The following GRIP2 variants were observed in gnomAD, a reference collection of about 807,000 sequenced individuals.
GRIP2 encodes glutamate receptor-interacting protein 2.
A neutral mutation model predicts 108.3 loss-of-function variants in GRIP2; 58 were observed. The observed-to-expected ratio is 0.54, with a 90% confidence interval of 0.43 to 0.67. The LOEUF is 0.67. GRIP2 is among the 30% of genes least tolerant of loss of function. GRIP2 has a pLI of 0.00. For synonymous variants in GRIP2, 586 were observed against 598.2 expected (o/e 0.98, Z 0.30); for missense variants, 1,278 against 1,430.6 (o/e 0.89, Z 1.72).
chr3:14,569,985 G>A, the GRIP2 span, among the ~76,000 whole-genome samples: 1 of 152,168 alleles, frequency 6.6e-6, no homozygotes, highest in African/African-American at 2.4e-5. Flanking sequence ...AGGAAACTGA[G>A]GCTCGGAGAG....
At chr3:14,533,764 A>T (rs1694765879) in intron 1 of GRIP2, among the ~76,000 whole-genome samples, 1 of 152,174 alleles carries the variant, frequency 6.6e-6, no homozygotes, top group South Asian at 2.1e-4. Flanking sequence ...CAGCTTAGGG[A>T]CAGCGGAGGT....
At chr3:14,545,584 C>T (rs1356570483), upstream of GRIP2, among the ~76,000 whole-genome samples, 1 of 152,250 alleles carries the variant, frequency 6.6e-6, no homozygotes, top group East Asian at 1.9e-4. Flanking sequence ...CCTTGACACC[C>T]ACAATAGCTT....
At chr3:14,566,320 A>G in the GRIP2 span, among the ~76,000 whole-genome samples, 26,267 of 152,226 alleles carry the variant, frequency 0.17, 2,446 homozygotes, top group Middle Eastern at 0.29. Flanking sequence ...CAGGGATGGG[A>G]ACACAGAGTC....
intron 20 of GRIP2, chr3:14,504,011 A>G: frequency 3.2e-6 from 1 of 314,952 alleles, no homozygotes; most frequent in Admixed American, 4.8e-5. Flanking sequence ...TCCATGGTGT[A>G]GTCCCAGAGG....
Position 14,525,492 on chromosome 3 carries a change from C to T in GRIP2, c.202G>A (p.Asp68Asn), listed in dbSNP as rs768263610. 6 of 1,613,648 alleles carry T rather than the reference C, an allele frequency of 3.7e-6. No individual in the cohort carries two copies. Among genetic ancestry groups the T allele is most frequent in the East Asian group, 4.5e-5 (2 of 44,858 alleles). Reference sequence around the variant, plus strand: ...GAGACCCTGGGCTTTCCATCCTTGTCGGTGCCACCTGAGATAGTCAGGCCC... The same window carrying T: ...GAGACCCTGGGCTTTCCATCCTTGTTGGTGCCACCTGAGATAGTCAGGCCC... ...TLGLTISGGT[D>N]KDGKPRVSNL... Residue 68 changes from aspartate (D) to asparagine (N), a missense_variant, in exon 3 of 24, where the codon GAC (aspartate) becomes AAC (asparagine). By Grantham distance (23) the Asp-to-Asn change is conservative. Transcript: ENST00000621039.
Position 14,523,009 on chromosome 3 carries a change from G to A in GRIP2, c.557C>T (p.Pro186Leu), listed in dbSNP as rs1694455987. ...LVLTYVRPGG[P>L]ADREGSLKVG... ...TTCTGCCTCGGCTCACCTGTCGGCA[G>A]GGCCACCGGGCCGCACGTAGGTCAG... Residue 186 changes from proline (P) to leucine (L), a missense_variant, in exon 6 of 24, where the codon CCT becomes CTT. Coordinates refer to ENST00000621039, the MANE Select transcript of GRIP2 (RefSeq NM_001080423.4). 4 of 1,613,624 alleles carry A rather than the reference G, an allele frequency of 2.5e-6. No homozygotes were observed. In the South Asian group the frequency reaches 4.4e-5, roughly 18 times the overall value.
At chr3:14,569,666 C>T in the GRIP2 span, among the ~76,000 whole-genome samples, 3 of 152,184 alleles carry the variant, frequency 2.0e-5, no homozygotes, top group African/African-American at 7.2e-5. Context: ...CACACACATG[C>T]CAGCGCCGCT....
intron 9 of GRIP2, among the ~76,000 whole-genome samples, chr3:14,519,089 C>G (rs983248464): frequency 1.3e-5 from 2 of 152,166 alleles, no homozygotes; most frequent in African/African-American, 4.8e-5. Flanking sequence ...GCCGCGGCAC[C>G]GAACCTGGCA....
chr3:14,600,857 A>T, the GRIP2 span, among the ~76,000 whole-genome samples: 22 of 152,298 alleles, frequency 1.4e-4, no homozygotes, highest in African/African-American at 4.8e-4. Context: ...TTTTCCAAGG[A>T]AAATTCAAAT....
intron 11 of GRIP2, 119 bp from the exon 12 acceptor site, chr3:14,514,597 G>T: frequency 9.8e-7 from 1 of 1,019,310 alleles, no homozygotes; most frequent in South Asian, 1.7e-5. Context: ...TGGGAGCCCT[G>T]ACTCAGTCTG....
chr3:14,532,791 T>G (rs1003527242), intron 1 of GRIP2, among the ~76,000 whole-genome samples: 2 of 151,156 alleles, frequency 1.3e-5, no homozygotes, highest in East Asian at 3.9e-4. Flanking sequence ...GGCCGGATCC[T>G]GTAGAGTTGA....
In GRIP2 at chr3:14,507,782, A is replaced by G. The variant is rs1693972597; in HGVS notation, c.2079-82T>C. On this transcript the variant is annotated intron_variant, in intron 17 of 23. Coordinates refer to ENST00000621039, the MANE Select transcript of GRIP2 (RefSeq NM_001080423.4). The surrounding 1 kb of genome is among the most constrained non-coding windows in gnomAD (Gnocchi z 4.6). ...GCAGTCTGCCCTCAGGGAATCCAGG[A>G]GAGCCACAAAGCAGAAGTCTGGCTG... The G allele has an allele frequency of 6.6e-7, 1 of 1,515,114 alleles. No homozygotes were observed. Among genetic ancestry groups the G allele is most frequent in the Non-Finnish European group, 9.1e-7 (1 of 1,103,424 alleles). The allele number at this position is 1,515,114 out of a possible 1,614,324, so 93.9% of individuals were successfully genotyped here.
chr3:14,590,762 C>A, the GRIP2 span, among the ~76,000 whole-genome samples: 33 of 152,336 alleles, frequency 2.2e-4, no homozygotes, highest in Non-Finnish European at 4.0e-4. Context: ...AGGCCTCTAC[C>A]AGCTGAGCAG....
Position 14,513,647 on chromosome 3 carries a change from C to T in GRIP2, c.1639+18G>A. On this transcript the variant is annotated intron_variant, in intron 13 of 23. Transcript: ENST00000621039. ...AGGGCCCTGAAATATGAGGAGGAAGCTTGGGCCACTCACTCACCCGCCACA... is the reference window on the plus strand; with the variant it reads ...AGGGCCCTGAAATATGAGGAGGAAGTTTGGGCCACTCACTCACCCGCCACA... 6.3e-7 allele frequency: 1 copy of T among 1,592,772 alleles called. No individual in the cohort carries two copies. The highest frequency in any genetic ancestry group is 8.5e-7 in the Non-Finnish European group (1 of 1,170,208).
chr3:14,589,243 T>G, the GRIP2 span, among the ~76,000 whole-genome samples: 4 of 152,212 alleles, frequency 2.6e-5, no homozygotes, highest in Admixed American at 6.5e-5. Context: ...CTCTTCGTTG[T>G]GTACAATATA....
chr3:14,529,278 CA>C (rs78828207), intron 1 of GRIP2, among the ~76,000 whole-genome samples: 10,834 of 105,978 alleles, frequency 0.1, 97 homozygotes, highest in African/African-American at 0.17. Context: ...GACTCCGTCT[CA>C]AAAAAAAAAA....
chr3:14,503,511 C>G (rs1693824959), intron 21 of GRIP2, 55 bp downstream of exon 21: 2 of 1,267,704 alleles, frequency 1.6e-6, no homozygotes, highest in East Asian at 2.5e-5. Context: ...TGCACACACA[C>G]CAGAGTGAAC....
upstream of GRIP2, among the ~76,000 whole-genome samples, chr3:14,543,166 C>T (rs1374927583): frequency 6.6e-6 from 1 of 152,214 alleles, no homozygotes; most frequent in Non-Finnish European, 1.5e-5. Flanking sequence ...GAGATACAGC[C>T]AGGCCTGGGG....
chr3:14,537,172 C>G (rs1694853894), intron 1 of GRIP2, among the ~76,000 whole-genome samples: 1 of 152,138 alleles, frequency 6.6e-6, no homozygotes, highest in African/African-American at 2.4e-5. Flanking sequence ...CCAAGGCCCA[C>G]CAGACTCACA....
Sources: allele counts gnomAD v4.1 joint callset (sites outside exome capture counted in the v4.1 genomes callset), GRCh38; gene constraint gnomAD v4.1.1; non-coding constraint Gnocchi (gnomAD v3.1); transcripts MANE v1.5; gene names NCBI Gene and HGNC (gene_info 2026-07-23, HGNC 2026-07-21).